Variants in CACNA2D1 observed in about 807,000 individuals in gnomAD.
CACNA2D1 encodes the protein voltage-dependent calcium channel subunit alpha-2/delta-1.
Under a neutral mutation model 171.5 loss-of-function variants are expected in CACNA2D1, and 53 were observed. The observed-to-expected ratio is 0.31, with a 90% CI of 0.25 to 0.39. The LOEUF is 0.39. CACNA2D1 is among the 10% of genes least tolerant of loss of function. The pLI is 1.00. For missense variants in CACNA2D1, 903 were observed against 1,299.8 expected (o/e 0.69, Z 4.69); for synonymous variants, 442 against 443.1 (o/e 1.00, Z 0.03).
intron 1 of CACNA2D1, among the ~76,000 whole-genome samples, chr7:82,435,799 G>C (rs1183577748): frequency 1.3e-5 from 2 of 151,482 alleles, no homozygotes; most frequent in Non-Finnish European, 2.9e-5. Flanking sequence ...GACCAAATTT[G>C]TGTTGGTACA....
chr7:82,317,502 A>C (rs1418470667), intron 3 of CACNA2D1, among the ~76,000 whole-genome samples: 1 of 152,192 alleles, frequency 6.6e-6, no homozygotes, highest in African/African-American at 2.4e-5. Flanking sequence ...ATCAGTGAGC[A>C]TGTCTAAAAT....
chr7:82,301,391 C>A (rs1812984051), intron 3 of CACNA2D1, among the ~76,000 whole-genome samples: 1 of 152,088 alleles, frequency 6.6e-6, no homozygotes. Flanking sequence ...TCCCAAAGTG[C>A]TGGGATTATA....
chr7:82,103,241 A>G (rs141298060), intron 6 of CACNA2D1, among the ~76,000 whole-genome samples: 2 of 152,260 alleles, frequency 1.3e-5, no homozygotes, highest in Non-Finnish European at 2.9e-5. Flanking sequence ...CAGGAGGTGG[A>G]GGTTGCAGTG....
chr7:82,091,110 A>T (rs1811105373), intron 6 of CACNA2D1, among the ~76,000 whole-genome samples: 2 of 152,180 alleles, frequency 1.3e-5, no homozygotes, highest in Admixed American at 6.5e-5. Flanking sequence ...TAAGGAGTAG[A>T]CAGTGTGCAT....
chr7:82,106,621 C>G (rs967372401), intron 6 of CACNA2D1, among the ~76,000 whole-genome samples: 1 of 151,786 alleles, frequency 6.6e-6, no homozygotes, highest in African/African-American at 2.4e-5. Flanking sequence ...CCTGAATATT[C>G]TTATTCCATA....
intron 15 of CACNA2D1, among the ~76,000 whole-genome samples, chr7:82,008,526 CAG>C (rs1194165918): frequency 2.0e-5 from 3 of 152,086 alleles, no homozygotes; most frequent in Non-Finnish European, 4.4e-5. Context: ...ATTTTCAAGT[CAG>C]AGTTTGCTTT....
rs138181297 is a variant in CACNA2D1 at position 82,180,760 on chromosome 7, G to A, written c.295-10151C>T. ...TACTTACAGATCCCAGAGAGGTTGC[G>A]GGGGTCAACAGGAGGCCAGTGGGAA... On this transcript the variant is annotated intron_variant, in intron 3 of 38. Coordinates refer to ENST00000356860, the MANE Select transcript of CACNA2D1 (RefSeq NM_000722.4). Among the ~76,000 whole-genome samples the A allele has an allele frequency of 3.7e-3, 570 of 152,050 alleles. 7 individuals are homozygous for A. The highest frequency in any genetic ancestry group is 0.013 in the African/African-American group (543 of 41,466).
intron 3 of CACNA2D1, among the ~76,000 whole-genome samples, chr7:82,294,563 T>C (rs1446875027): frequency 1.3e-5 from 2 of 152,164 alleles, no homozygotes; most frequent in African/African-American, 4.8e-5. Context: ...GATTGACTAA[T>C]GGTTAATGAT....
chr7:82,149,716 C>T (rs1793566648), intron 4 of CACNA2D1, among the ~76,000 whole-genome samples: 1 of 150,530 alleles, frequency 6.6e-6, no homozygotes, highest in Non-Finnish European at 1.5e-5. Context: ...ATCACAAGGT[C>T]AGGAGATCGA....
chr7:82,319,705 C>T (rs1186158932), intron 3 of CACNA2D1, among the ~76,000 whole-genome samples: 1 of 152,072 alleles, frequency 6.6e-6, no homozygotes. Flanking sequence ...TTTAAGTTGA[C>T]GGACCTAGAA....
In CACNA2D1 at chr7:82,411,981, T is replaced by C. The variant is rs183677137; in HGVS notation, c.95+31384A>G. Among the ~76,000 whole-genome samples, 442 of 151,912 alleles carry C rather than the reference T, an allele frequency of 2.9e-3. 9 individuals carry two copies. Among genetic ancestry groups the C allele is most frequent in the Non-Finnish European group, 2.7e-3 (181 of 67,952 alleles). Reference sequence around the variant, plus strand: ...AAAAACCCTCTTTCATAGTTAATCATTACCACTTTACCTAAATCTCAAATG... The same window carrying C: ...AAAAACCCTCTTTCATAGTTAATCACTACCACTTTACCTAAATCTCAAATG... On this transcript the variant is annotated intron_variant, in intron 1 of 38. Coordinates refer to ENST00000356860, the MANE Select transcript of CACNA2D1 (RefSeq NM_000722.4).
chr7:81,969,755 C>G (rs1420666778), intron 28 of CACNA2D1, 126 bp downstream of exon 28: 7 of 670,380 alleles, frequency 1.0e-5, no homozygotes, highest in Admixed American at 2.3e-5. Context: ...TGCAAATACT[C>G]TATTTTTAAT....
intron 20 of CACNA2D1, among the ~76,000 whole-genome samples, chr7:81,993,737 A>G (rs1376460345): frequency 6.6e-6 from 1 of 152,134 alleles, no homozygotes. Flanking sequence ...AGTTATATCT[A>G]TTTACAATAG....
chr7:81,972,809 C>T (rs1489081828), intron 25 of CACNA2D1, among the ~76,000 whole-genome samples: 1 of 151,924 alleles, frequency 6.6e-6, no homozygotes, highest in East Asian at 1.9e-4. Context: ...TATTACTATA[C>T]AACATGGTGG....
At position 82,134,920 on chromosome 7, in the gene CACNA2D1, A is replaced by T. The variant is rs79064450; in HGVS notation, c.396+1715T>A. On this transcript the variant is annotated intron_variant, in intron 5 of 38. Coordinates refer to ENST00000356860, the MANE Select transcript of CACNA2D1 (RefSeq NM_000722.4). The stretch of plus-strand genomic sequence containing the variant: ...ACTTTGAAGCATTGATTGAAACTGG[A>T]GTGATAGTTACTAAAAAGTCATATT... Among the ~76,000 whole-genome samples the T allele has an allele frequency of 3.0e-3, 451 of 152,232 alleles. 5 individuals carry two copies. The highest frequency in any genetic ancestry group is 0.028 in the South Asian group (137 of 4,824).
At chr7:82,068,393 A>G (rs1010553980) in intron 7 of CACNA2D1, among the ~76,000 whole-genome samples, 1 of 152,124 alleles carries the variant, frequency 6.6e-6, no homozygotes, top group Non-Finnish European at 1.5e-5. Flanking sequence ...CATGGCCTCT[A>G]CAAGATGTTA....
intron 34 of CACNA2D1, among the ~76,000 whole-genome samples, chr7:81,963,397 T>C (rs931599418): frequency 1.3e-5 from 2 of 151,846 alleles, no homozygotes; most frequent in Non-Finnish European, 2.9e-5. Context: ...AGGGAGATCA[T>C]GGATTCCAGA....
chr7:82,045,280 T>C (rs1360978583), intron 10 of CACNA2D1, among the ~76,000 whole-genome samples: 2 of 152,200 alleles, frequency 1.3e-5, no homozygotes, highest in African/African-American at 2.4e-5. Context: ...TTTTAACTAT[T>C]TGAATTTGAT....
chr7:82,264,557 G>A (rs888712329), intron 3 of CACNA2D1, among the ~76,000 whole-genome samples: 1 of 152,198 alleles, frequency 6.6e-6, no homozygotes, highest in Non-Finnish European at 1.5e-5. Flanking sequence ...TAATCTGCAA[G>A]CCACCCACTT....
Sources: gnomAD v4.1 joint callset for allele counts (sites outside exome capture counted in the v4.1 genomes callset) on GRCh38, gnomAD v4.1.1 for gene constraint, MANE v1.5 for transcripts, NCBI Gene and HGNC (gene_info 2026-07-23, HGNC 2026-07-21) for gene names.